Variants in MAGI2 observed in about 807,000 individuals in gnomAD.
MAGI2 encodes the protein membrane associated guanylate kinase, WW and PDZ domain containing 2, also known as membrane-associated guanylate kinase, WW and PDZ domain-containing protein 2.
MAGI2 carries 35 observed loss-of-function variants against 133.3 expected under a neutral mutation model. The observed-to-expected ratio is 0.26, with a 90% confidence interval of 0.20 to 0.35. The LOEUF (loss-of-function observed/expected upper bound fraction) is 0.35. MAGI2 is among the 10% of genes least tolerant of loss of function. The probability of loss-of-function intolerance (pLI) is 1.00; values close to 1 mark genes in which losing one functional copy is unlikely to be tolerated. For missense variants in MAGI2, 1,636 were observed against 1,863.4 expected (o/e 0.88, Z 2.25); for synonymous variants, 729 against 710.6 (o/e 1.03, Z -0.41).
chr7:78,968,275 A>AT (rs1440522322), intron 2 of MAGI2, among the ~76,000 whole-genome samples: 19 of 151,906 alleles, frequency 1.3e-4, no homozygotes, highest in Non-Finnish European at 2.8e-4. Context: ...GGATTTTTCT[A>AT]TTTTTGTGAA....
chr7:79,011,924 C>CCTTCCTTTTCTTTCTTTCTTTCTTTCTTT (rs1413880167), intron 1 of MAGI2, among the ~76,000 whole-genome samples: 1 of 121,206 alleles, frequency 8.3e-6, no homozygotes, highest in Admixed American at 9.0e-5. Context: ...TTCCTTCCTT[C>CCTTCCTTTTCTTTCTTTCTTTCTTTCTTT]CTTTCTTTCT....
chr7:78,623,478 A>G (rs1185574603), intron 3 of MAGI2, among the ~76,000 whole-genome samples: 2 of 152,050 alleles, frequency 1.3e-5, no homozygotes, highest in Non-Finnish European at 2.9e-5. Flanking sequence ...AGGCAGCTTT[A>G]TATTATGAAC....
intron 21 of MAGI2, among the ~76,000 whole-genome samples, chr7:78,034,709 G>A (rs1809988764): frequency 1.3e-5 from 2 of 152,010 alleles, no homozygotes; most frequent in Admixed American, 6.6e-5. Context: ...TGTATTTTTA[G>A]TAGAGACAGG....
chr7:78,457,563 A>G (rs892478180), intron 6 of MAGI2, among the ~76,000 whole-genome samples: 1 of 152,208 alleles, frequency 6.6e-6, no homozygotes, highest in Non-Finnish European at 1.5e-5. Flanking sequence ...AGAGTTCTAG[A>G]CATATGACAT....
chr7:79,145,633 A>G (rs1039271232), intron 1 of MAGI2, among the ~76,000 whole-genome samples: 3 of 152,170 alleles, frequency 2.0e-5, no homozygotes, highest in Admixed American at 2.0e-4. Context: ...CAGAGAACCA[A>G]TGCTCGTGTT....
At chr7:79,047,044 A>G (rs1812240788) in intron 1 of MAGI2, among the ~76,000 whole-genome samples, 1 of 152,168 alleles carries the variant, frequency 6.6e-6, no homozygotes, top group African/African-American at 2.4e-5. Context: ...TTTTTTTAAA[A>G]AGCAGACAAA....
chr7:79,426,333 T>A (rs1847368817), intron 1 of MAGI2, among the ~76,000 whole-genome samples: 1 of 141,832 alleles, frequency 7.1e-6, no homozygotes, highest in Admixed American at 6.7e-5. Context: ...TCTTCCTTTC[T>A]CCTTCTCCTA....
chr7:78,690,853 G>A (rs1482482506), intron 2 of MAGI2, among the ~76,000 whole-genome samples: 2 of 152,178 alleles, frequency 1.3e-5, no homozygotes, highest in East Asian at 3.9e-4. Context: ...AGATGAGCAA[G>A]TAGAGTAAAA....
At chr7:78,947,813 G>A (rs906046316) in intron 2 of MAGI2, among the ~76,000 whole-genome samples, 3 of 151,944 alleles carry the variant, frequency 2.0e-5, no homozygotes, top group African/African-American at 7.2e-5. Context: ...GGTAACATTT[G>A]TTTGTTTGTT....
intron 10 of MAGI2, among the ~76,000 whole-genome samples, chr7:78,223,159 C>T (rs916847710): frequency 6.6e-6 from 1 of 152,188 alleles, no homozygotes; most frequent in South Asian, 2.1e-4. Flanking sequence ...CCTGGGCTTT[C>T]ATCTTTTAAG....
intron 2 of MAGI2, among the ~76,000 whole-genome samples, chr7:78,981,620 G>A (rs1031734078): frequency 2.6e-5 from 4 of 151,276 alleles, no homozygotes; most frequent in Admixed American, 6.6e-5. Context: ...TGTTGCATCC[G>A]ACTTTTTCAG....
chr7:78,751,473 CT>C (rs1823454652), intron 2 of MAGI2, among the ~76,000 whole-genome samples: 1 of 152,182 alleles, frequency 6.6e-6, no homozygotes, highest in Non-Finnish European at 1.5e-5. Flanking sequence ...CTAATTGGCC[CT>C]CTCAAGCTTC....
chr7:78,120,397 T>C (rs1345920375), intron 20 of MAGI2, among the ~76,000 whole-genome samples: 1 of 152,108 alleles, frequency 6.6e-6, no homozygotes, highest in Non-Finnish European at 1.5e-5. Context: ...AGCAAGGCCC[T>C]GTCTCAAAAC....
At chr7:78,219,501 A>T (rs540114105) in intron 10 of MAGI2, among the ~76,000 whole-genome samples, 1 of 152,036 alleles carries the variant, frequency 6.6e-6, no homozygotes, top group Admixed American at 6.6e-5. Context: ...AGTTCATTTT[A>T]TCCTCAGGGC....
intron 9 of MAGI2, among the ~76,000 whole-genome samples, chr7:78,278,326 G>A (rs574658681): frequency 6.6e-6 from 1 of 152,248 alleles, no homozygotes; most frequent in South Asian, 2.1e-4. Flanking sequence ...CTAGTGAAGT[G>A]AGGTTGTCTG....
chr7:78,557,970 G>A (rs200069083), intron 3 of MAGI2, among the ~76,000 whole-genome samples: 2,579 of 91,090 alleles, frequency 0.028, 41 homozygotes, highest in African/African-American at 0.078. Flanking sequence ...TACTTTATTG[G>A]AACTCTTTTT....
chr7:78,419,640 G>T (rs1798621758), intron 6 of MAGI2, among the ~76,000 whole-genome samples: 1 of 148,478 alleles, frequency 6.7e-6, no homozygotes. Context: ...GGGCCCAAGA[G>T]AGCTAAGCAT....
chr7:78,982,530 A>G (rs2116199323), intron 2 of MAGI2, among the ~76,000 whole-genome samples: 1 of 151,930 alleles, frequency 6.6e-6, no homozygotes, highest in Admixed American at 6.6e-5. Context: ...TTAACAACTG[A>G]CAGGTCACAG....
chr7:78,838,230 T>C (rs777268173), intron 2 of MAGI2, among the ~76,000 whole-genome samples: 11 of 152,080 alleles, frequency 7.2e-5, no homozygotes, highest in Non-Finnish European at 1.2e-4. Context: ...TTTGTAGATG[T>C]TTTTTTCATG....
Sources: gnomAD v4.1 joint callset for allele counts (sites outside exome capture counted in the v4.1 genomes callset) on GRCh38, gnomAD v4.1.1 for gene constraint, MANE v1.5 for transcripts, NCBI Gene and HGNC (gene_info 2026-07-23, HGNC 2026-07-21) for gene names.